FBXL17: variants seen among roughly 807,000 people sequenced by gnomAD.
FBXL17 encodes the protein F-box/LRR-repeat protein 17.
Under a neutral mutation model 66.2 loss-of-function variants are expected in FBXL17, and 22 were observed. The observed-to-expected ratio is 0.33, with a 90% CI of 0.24 to 0.47. The LOEUF (loss-of-function observed/expected upper bound fraction) is 0.47, where lower values mean the gene tolerates loss of function less well. FBXL17 is among the 20% of genes least tolerant of loss of function. The pLI is 1.00. For missense variants in FBXL17, 878 were observed against 948.2 expected, an observed-to-expected ratio of 0.93 and a Z score of 0.97; for synonymous variants, 474 against 400.5, an observed-to-expected ratio of 1.18 and a Z score of -2.19.
At chr5:107,866,949 T>C (rs1748292133) in intron 8 of FBXL17, among the ~76,000 whole-genome samples, 1 of 152,214 alleles carries the variant, frequency 6.6e-6, no homozygotes, top group African/African-American at 2.4e-5. Context: ...GCTGGTTTTG[T>C]TCACTGTCAA....
At chr5:108,186,310 C>A in intron 5 of FBXL17, 63 bp from the exon 6 acceptor site, 1 of 1,410,724 alleles carries the variant, frequency 7.1e-7, no homozygotes. Context: ...TCAAAACTTA[C>A]AAATGTAGTT....
intron 6 of FBXL17, among the ~76,000 whole-genome samples, chr5:108,107,626 C>T (rs2149948577): frequency 6.6e-6 from 1 of 151,844 alleles, no homozygotes; most frequent in East Asian, 2.0e-4. Context: ...TCCTGGCTAA[C>T]ACGGTGAAAC....
intron 4 of FBXL17, among the ~76,000 whole-genome samples, chr5:108,318,545 C>A (rs1035584341): frequency 1.2e-4 from 18 of 151,782 alleles, no homozygotes; most frequent in Non-Finnish European, 2.9e-5. Flanking sequence ...AGGCTAATAG[C>A]ATTTAATATC....
chr5:108,236,115 G>C (rs1411519115), intron 4 of FBXL17, among the ~76,000 whole-genome samples: 1 of 152,216 alleles, frequency 6.6e-6, no homozygotes, highest in African/African-American at 2.4e-5. Context: ...GGATGCTGAG[G>C]CAGTAGAATC....
intron 6 of FBXL17, among the ~76,000 whole-genome samples, chr5:108,095,474 A>G (rs1014162908): frequency 3.3e-5 from 5 of 152,128 alleles, no homozygotes; most frequent in African/African-American, 1.2e-4. Flanking sequence ...TTATTGAAGA[A>G]GTCTCTTCTA....
chr5:108,039,068 C>A (rs929204996), intron 6 of FBXL17, among the ~76,000 whole-genome samples: 2 of 151,976 alleles, frequency 1.3e-5, no homozygotes, highest in African/African-American at 4.8e-5. Context: ...TCTTGCTTTA[C>A]CTCTTTAAAT....
At chr5:108,304,935 T>C (rs1376465280) in intron 4 of FBXL17, among the ~76,000 whole-genome samples, 2 of 152,066 alleles carry the variant, frequency 1.3e-5, no homozygotes, top group African/African-American at 4.8e-5. Context: ...ATGTCTACAA[T>C]AAAACTTTTG....
intron 7 of FBXL17, among the ~76,000 whole-genome samples, chr5:107,962,678 GTTT>G (rs952382776): frequency 6.9e-6 from 1 of 144,122 alleles, no homozygotes; most frequent in Non-Finnish European, 1.5e-5. Context: ...AGCGTTAAAA[GTTT>G]TTTTTTTTTA....
At chr5:108,152,268 G>A (rs1242131941) in intron 6 of FBXL17, among the ~76,000 whole-genome samples, 4 of 152,032 alleles carry the variant, frequency 2.6e-5, no homozygotes, top group Admixed American at 6.5e-5. Context: ...TTAAATTAAC[G>A]CTGCTGTTGT....
chr5:108,114,622 T>C (rs1750170416), intron 6 of FBXL17, among the ~76,000 whole-genome samples: 1 of 152,154 alleles, frequency 6.6e-6, no homozygotes, highest in Non-Finnish European at 1.5e-5. Context: ...AGAAAGACAT[T>C]CAAATGGGCA....
In FBXL17 at chr5:107,936,108, G is replaced by A. The variant is rs77881548; in HGVS notation, c.1823-54929C>T. Among the ~76,000 whole-genome samples, 1,130 of 152,192 alleles carry A rather than the reference G, an allele frequency of 7.4e-3. 8 individuals carry two copies. Among genetic ancestry groups the A allele is most frequent in the Non-Finnish European group, 0.01 (707 of 68,004 alleles). ...TGCTTTGAAGAAATCTTACTTCCTT[G>A]TGTTATTACTAGGAGTATGGTATCC... is the stretch of plus-strand genomic sequence containing the variant. On this transcript the variant is annotated intron_variant, in intron 7 of 8. Coordinates refer to ENST00000542267, the MANE Select transcript of FBXL17 (RefSeq NM_001163315.3).
intron 6 of FBXL17, among the ~76,000 whole-genome samples, chr5:108,159,728 T>C (rs1752135061): frequency 6.6e-6 from 1 of 152,206 alleles, no homozygotes; most frequent in Admixed American, 6.5e-5. Flanking sequence ...CGTGTAAAGA[T>C]ACACTCAAAA....
chr5:108,094,816 A>G (rs1319921401), intron 6 of FBXL17, among the ~76,000 whole-genome samples: 2 of 152,004 alleles, frequency 1.3e-5, no homozygotes, highest in African/African-American at 4.8e-5. Context: ...AAAAATAAAA[A>G]TGACTTTAGA....
chr5:108,084,425 G>A (rs1400669897), intron 6 of FBXL17, among the ~76,000 whole-genome samples: 1 of 152,210 alleles, frequency 6.6e-6, no homozygotes, highest in East Asian at 1.9e-4. Flanking sequence ...GCTAGGAGCA[G>A]TAGCAAAATA....
intron 6 of FBXL17, among the ~76,000 whole-genome samples, chr5:108,124,235 T>C (rs1750611292): frequency 6.6e-6 from 1 of 152,068 alleles, no homozygotes; most frequent in African/African-American, 2.4e-5. Context: ...GGCATTTATA[T>C]TCCTGAAATG....
chr5:107,951,830 T>C (rs751083719), intron 7 of FBXL17, among the ~76,000 whole-genome samples: 5 of 152,220 alleles, frequency 3.3e-5, no homozygotes, highest in Non-Finnish European at 5.9e-5. Flanking sequence ...TACATTTTCA[T>C]AGATCAACAG....
intron 4 of FBXL17, among the ~76,000 whole-genome samples, chr5:108,242,349 T>TTTGTTGTTGTTG (rs70996988): frequency 7.6e-4 from 112 of 146,924 alleles, no homozygotes; most frequent in Admixed American, 1.9e-3. Flanking sequence ...GCCTGGCTAG[T>TTTGTTGTTGTTG]TTGTTGTTGT....
chr5:108,088,277 G>A (rs1172644136), intron 6 of FBXL17, among the ~76,000 whole-genome samples: 1 of 152,134 alleles, frequency 6.6e-6, no homozygotes, highest in African/African-American at 2.4e-5. Context: ...AACATTTCTT[G>A]CTGTGGTCAC....
At chr5:108,368,212 C>A (rs953573549) in intron 1 of FBXL17, among the ~76,000 whole-genome samples, 2 of 150,540 alleles carry the variant, frequency 1.3e-5, no homozygotes, top group Non-Finnish European at 3.0e-5. Context: ...TCATGCATAT[C>A]TTTGTGTTTG....
Sources: allele counts gnomAD v4.1 joint callset (sites outside exome capture counted in the v4.1 genomes callset), GRCh38; gene constraint gnomAD v4.1.1; transcripts MANE v1.5; gene names NCBI Gene and HGNC (gene_info 2026-07-23, HGNC 2026-07-21).